DPP8: variants seen among roughly 807,000 people sequenced by gnomAD.
DPP8 encodes the protein dipeptidyl peptidase 8, also known as DPP VIII.
In DPP8, 31 loss-of-function variants were observed where a neutral mutation model predicts 107.5. The observed-to-expected ratio is 0.29, with a 90% CI of 0.22 to 0.39. DPP8 has a LOEUF of 0.39. DPP8 is among the 10% of genes least tolerant of loss of function. The pLI is 1.00. For missense variants in DPP8, 842 were observed against 1,076.1 expected (o/e 0.78, Z 3.04); for synonymous variants, 381 against 356.6 (o/e 1.07, Z -0.77).
intron 11 of DPP8, among the ~76,000 whole-genome samples, chr15:65,474,963 C>CT (rs150645129): frequency 0.022 from 3,391 of 152,194 alleles, 59 homozygotes; most frequent in Non-Finnish European, 0.031. Context: ...ATTCTTGAAC[C>CT]TTTGGTTAGA....
chr15:65,472,461 T>TTTTTTTA (rs892920049), intron 12 of DPP8, among the ~76,000 whole-genome samples: 1 of 152,110 alleles, frequency 6.6e-6, no homozygotes, highest in Admixed American at 6.6e-5. Flanking sequence ...GCCCAGCTAA[T>TTTTTTTA]TTTTTTATTT....
At chr15:65,498,085 T>G in intron 4 of DPP8, 53 bp from the exon 5 acceptor site, 2 of 1,271,318 alleles carry the variant, frequency 1.6e-6, no homozygotes, top group Non-Finnish European at 1.1e-6. Context: ...ACATACATGT[T>G]CCAGCACCCT....
At chr15:65,510,575 G>C (rs1221256901) in intron 2 of DPP8, among the ~76,000 whole-genome samples, 1 of 151,588 alleles carries the variant, frequency 6.6e-6, no homozygotes, top group East Asian at 1.9e-4. Flanking sequence ...GTCTCGCTCT[G>C]TCATCCAGGC....
At position 65,515,573 on chromosome 15, in the gene DPP8, G is replaced by A. The variant is rs187306118; in HGVS notation, c.-12+1913C>T. 579 of 1,179,120 alleles carry A rather than the reference G, an allele frequency of 4.9e-4. 2 individuals carry two copies. In the African/African-American group the frequency reaches 8.2e-3, roughly 17 times the overall value. 73.0% of individuals were successfully genotyped at this position (1,179,120 alleles called of 1,614,324 possible). On this transcript the variant is annotated intron_variant, in intron 1 of 19. Transcript: ENST00000300141. Reference sequence around the variant, plus strand: ...TTCTAATGTCAAAAATAGGAAAATAGGGTCAGTGTACCTTCTCAGCACAGT... The same window carrying A: ...TTCTAATGTCAAAAATAGGAAAATAAGGTCAGTGTACCTTCTCAGCACAGT...
intron 9 of DPP8, among the ~76,000 whole-genome samples, chr15:65,481,287 T>A (rs1360701525): frequency 6.6e-6 from 1 of 152,198 alleles, no homozygotes; most frequent in African/African-American, 2.4e-5. Flanking sequence ...CTGTGAACCA[T>A]AACTGGCTGA....
intron 3 of DPP8, among the ~76,000 whole-genome samples, chr15:65,505,402 G>A (rs2069840064): frequency 6.6e-6 from 1 of 151,976 alleles, no homozygotes; most frequent in Non-Finnish European, 1.5e-5. Context: ...GGGTTGTGAG[G>A]GGAAGTTAGT....
At chr15:65,491,094 G>A (rs1182829650) in intron 5 of DPP8, among the ~76,000 whole-genome samples, 1 of 147,486 alleles carries the variant, frequency 6.8e-6, no homozygotes, top group Non-Finnish European at 1.5e-5. Flanking sequence ...GGAGGTGGAG[G>A]TTGCACTGAG....
At position 65,488,764 on chromosome 15, in the gene DPP8, C is replaced by T. The variant is rs933293485; in HGVS notation, c.827-946G>A. On this transcript the variant is annotated intron_variant, in intron 6 of 19. Coordinates refer to ENST00000300141, the MANE Select transcript of DPP8 (RefSeq NM_130434.5). ...GGCCACAATATAAGTACACTTCTAACTGGATCATGGTCAAAAAGTTTGAAG... is the reference window on the plus strand; with the variant it reads ...GGCCACAATATAAGTACACTTCTAATTGGATCATGGTCAAAAAGTTTGAAG... Among the ~76,000 whole-genome samples the T allele has an allele frequency of 3.3e-5, 5 of 152,252 alleles. No individual in the cohort carries two copies. The East Asian group carries it at 9.6e-4, about 29-fold the overall frequency.
rs1166493197 is a variant in DPP8 at position 65,488,603 on chromosome 15, C to CAAA, written c.827-788_827-786dup. Reference sequence around the variant, plus strand: ...AGCCTGCACAACAGAGACCCTGCCTCAAAAAAAAAAAAAAAAAAAAAAAAA... The same window carrying CAAA: ...AGCCTGCACAACAGAGACCCTGCCTCAAAAAAAAAAAAAAAAAAAAAAAAAAAA... On this transcript the variant is annotated intron_variant, in intron 6 of 19. Transcript: ENST00000300141. Among the ~76,000 whole-genome samples the CAAA allele has an allele frequency of 5.7e-3, 256 of 45,168 alleles. 7 individuals are homozygous for CAAA. Among genetic ancestry groups the CAAA allele is most frequent in the African/African-American group, 0.019 (220 of 11,862 alleles). 29.6% of individuals were successfully genotyped at this position (45,168 alleles called of 152,430 possible). A position where few individuals can be genotyped will look rare whatever the true frequency, so the allele number is the denominator to read the frequency against.
At chr15:65,497,050 C>T (rs893508302) in intron 5 of DPP8, among the ~76,000 whole-genome samples, 5 of 151,970 alleles carry the variant, frequency 3.3e-5, no homozygotes, top group East Asian at 1.9e-4. Context: ...ACCACCATTC[C>T]GGCTAATTTT....
chr15:65,450,842 C>T lies in DPP8; in HGVS notation c.2526+157G>A, dbSNP rs2063921416. On this transcript the variant is annotated intron_variant, in intron 19 of 19. Coordinates refer to ENST00000300141, the MANE Select transcript of DPP8 (RefSeq NM_130434.5). The stretch of plus-strand genomic sequence containing the variant: ...ACTGCAACAGAATCTTAATTTTTAT[C>T]CAACTACAGGCACTACTAAATATGC... 1.3e-5 allele frequency: 7 copies of T among 526,072 alleles called. No individual in the cohort carries two copies. In the South Asian group the frequency reaches 2.0e-4, roughly 15 times the overall value. 32.6% of individuals were successfully genotyped at this position (526,072 alleles called of 1,614,324 possible).
intron 10 of DPP8, among the ~76,000 whole-genome samples, chr15:65,479,671 C>T (rs1476833051): frequency 2.0e-5 from 3 of 150,912 alleles, no homozygotes; most frequent in Admixed American, 6.6e-5. Flanking sequence ...GGTGAAACCC[C>T]GTCTCTACTA....
At chr15:65,494,168 A>G in intron 5 of DPP8, among the ~76,000 whole-genome samples, 1 of 3,124 alleles carries the variant, frequency 3.2e-4, no homozygotes, top group African/African-American at 9.3e-4. Context: ...TTTTTTAGAG[A>G]CAGGGTCTCT....
chr15:65,448,288 C>A (rs1343273751), intron 19 of DPP8, among the ~76,000 whole-genome samples: 1 of 151,838 alleles, frequency 6.6e-6, no homozygotes, highest in African/African-American at 2.4e-5. Flanking sequence ...AATCTTAGCA[C>A]TTTGGGAGGC....
At chr15:65,503,171 G>C (rs946396623) in intron 3 of DPP8, among the ~76,000 whole-genome samples, 1 of 152,110 alleles carries the variant, frequency 6.6e-6, no homozygotes, top group Non-Finnish European at 1.5e-5. Flanking sequence ...GCAATGGCGC[G>C]ATCTCGGCTC....
At chr15:65,491,775 C>T (rs2068055978) in intron 5 of DPP8, among the ~76,000 whole-genome samples, 2 of 152,172 alleles carry the variant, frequency 1.3e-5, no homozygotes, top group African/African-American at 4.8e-5. Flanking sequence ...CTCTGTTGCC[C>T]AAACTGGAGT....
At chr15:65,497,428 A>AT (rs1390208787) in intron 5 of DPP8, among the ~76,000 whole-genome samples, 1 of 151,674 alleles carries the variant, frequency 6.6e-6, no homozygotes, top group Non-Finnish European at 1.5e-5. Flanking sequence ...AATTTTTTGT[A>AT]TTTTTTTGTC....
chr15:65,481,722 A>G (rs1473637420), intron 8 of DPP8, 107 bp from the exon 9 acceptor site: 1 of 646,510 alleles, frequency 1.5e-6, no homozygotes. Flanking sequence ...ATTTTTCCAG[A>G]GTTAGGTATT....
chr15:65,468,556 G>T (rs1184418046), intron 12 of DPP8, among the ~76,000 whole-genome samples: 1 of 151,304 alleles, frequency 6.6e-6, no homozygotes, highest in African/African-American at 2.4e-5. Flanking sequence ...ATTTCTAAAA[G>T]CAAGTTATTT....
Sources: allele counts gnomAD v4.1 joint callset (sites outside exome capture counted in the v4.1 genomes callset), GRCh38; gene constraint gnomAD v4.1.1; transcripts MANE v1.5; gene names NCBI Gene and HGNC (gene_info 2026-07-23, HGNC 2026-07-21).